ASAP2: variants seen among roughly 807,000 people sequenced by gnomAD.
ASAP2 encodes ArfGAP with SH3 domain, ankyrin repeat and PH domain 2, also known as arf-GAP with SH3 domain, ANK repeat and PH domain-containing protein 2.
A neutral mutation model predicts 131.4 loss-of-function variants in ASAP2; 45 were observed. The observed-to-expected ratio is 0.34, with a 90% CI of 0.27 to 0.44. The LOEUF (loss-of-function observed/expected upper bound fraction) is 0.44, where lower values mean the gene tolerates loss of function less well. Among genes scored for constraint, ASAP2 ranks in the 20% least tolerant of loss-of-function variants. The pLI is 1.00. For missense variants in ASAP2, 1,011 were observed against 1,297.0 expected (o/e 0.78, Z 3.39); for synonymous variants, 510 against 503.0 (o/e 1.01, Z -0.19).
chr2:9,310,153 T>C (rs1669207975), intron 3 of ASAP2, among the ~76,000 whole-genome samples: 1 of 152,242 alleles, frequency 6.6e-6, no homozygotes, highest in Non-Finnish European at 1.5e-5. Flanking sequence ...GGTGGTTTGC[T>C]TTCTCTGAAG....
intron 12 of ASAP2, among the ~76,000 whole-genome samples, chr2:9,351,232 GAA>G (rs903756877): frequency 6.6e-6 from 1 of 152,210 alleles, no homozygotes; most frequent in Non-Finnish European, 1.5e-5. Flanking sequence ...GAAAAAGAGA[GAA>G]GGAGGACAAT....
At chr2:9,299,826 C>T (rs942985245) in intron 3 of ASAP2, among the ~76,000 whole-genome samples, 18 of 151,598 alleles carry the variant, frequency 1.2e-4, no homozygotes, top group African/African-American at 3.7e-4. Context: ...TATAGCCAGC[C>T]GGTGACTCTT....
rs570896477 is a variant in ASAP2, at chr2:9,343,145, G to T, written c.850-1387G>T. 2.6e-4 allele frequency among the ~76,000 whole-genome samples: 40 copies of T among 152,286 alleles called. 1 individual carries two copies. Among genetic ancestry groups the T allele is most frequent in the Admixed American group, 4.6e-4 (7 of 15,292 alleles). On this transcript the variant is annotated intron_variant, in intron 9 of 27. Coordinates refer to ENST00000281419, the MANE Select transcript of ASAP2 (RefSeq NM_003887.3). ...GAAAGAAGATGGTGTAATGGAAGGA[G>T]CCTCAGAGTGGAAGGCAGGATTCCA...
At chr2:9,367,963 G>A (rs886595985) in intron 15 of ASAP2, among the ~76,000 whole-genome samples, 1 of 152,158 alleles carries the variant, frequency 6.6e-6, no homozygotes, top group East Asian at 1.9e-4. Flanking sequence ...ACTTGCCTGT[G>A]GTCACACAGC....
chr2:9,356,491 T>A, intron 14 of ASAP2, 146 bp downstream of exon 14: 1 of 1,011,246 alleles, frequency 9.9e-7, no homozygotes, highest in East Asian at 2.6e-5. Context: ...ACACAAATGC[T>A]TAATGAACTG....
At chr2:9,343,813 G>A (rs1237755622) in intron 9 of ASAP2, among the ~76,000 whole-genome samples, 2 of 152,146 alleles carry the variant, frequency 1.3e-5, no homozygotes, top group Non-Finnish European at 2.9e-5. Flanking sequence ...TGGGCCCTGG[G>A]TGTTCATTGC....
At chr2:9,212,500 A>G (rs1451121553) in intron 1 of ASAP2, among the ~76,000 whole-genome samples, 1 of 151,524 alleles carries the variant, frequency 6.6e-6, no homozygotes, top group African/African-American at 2.4e-5. Context: ...ATATTGATCT[A>G]CTCCTGAGGT....
rs756485714 is a variant in ASAP2, at chr2:9,403,615, A to G, written c.*288A>G. On this transcript the variant is annotated 3_prime_UTR_variant, in exon 28 of 28. Coordinates refer to ENST00000281419, the MANE Select transcript of ASAP2 (RefSeq NM_003887.3). ...TATACATAATCAAGATCCTGCCTCTACGGAATTAGCTAAACCTAAAAATGT... is the reference window on the plus strand; with the variant it reads ...TATACATAATCAAGATCCTGCCTCTGCGGAATTAGCTAAACCTAAAAATGT... 2.3e-5 allele frequency: 8 copies of G among 348,976 alleles called. No homozygotes were observed. Among genetic ancestry groups the G allele is most frequent in the Admixed American group, 4.5e-5 (1 of 22,214 alleles). 21.6% of individuals were successfully genotyped at this position (348,976 alleles called of 1,614,324 possible).
At chr2:9,259,567 A>C (rs568508233) in intron 1 of ASAP2, among the ~76,000 whole-genome samples, 1 of 77,202 alleles carries the variant, frequency 1.3e-5, no homozygotes, top group South Asian at 3.2e-4. Context: ...CCAAAACCTT[A>C]AGGAACAAAA....
chr2:9,342,963 C>G lies in ASAP2; in HGVS notation c.850-1569C>G, dbSNP rs143610339. 3.7e-4 allele frequency among the ~76,000 whole-genome samples: 56 copies of G among 152,344 alleles called. 1 individual carries two copies. Among genetic ancestry groups the G allele is most frequent in the South Asian group, 1.9e-3 (9 of 4,828 alleles). On this transcript the variant is annotated intron_variant, in intron 9 of 27. Transcript: ENST00000281419. ...TTCCTGTGCTTTTCTCCCTTTGACT[C>G]TTCAGTTCCTGAGTGCTCTTGTTCT...
At chr2:9,237,171 G>A (rs1263401161) in intron 1 of ASAP2, among the ~76,000 whole-genome samples, 6 of 151,508 alleles carry the variant, frequency 4.0e-5, no homozygotes, top group South Asian at 2.1e-4. Flanking sequence ...TTTAAAAAAA[G>A]AGAGTTAAAA....
At chr2:9,363,622 C>T (rs1310526649) in intron 15 of ASAP2, among the ~76,000 whole-genome samples, 1 of 152,076 alleles carries the variant, frequency 6.6e-6, no homozygotes, top group Non-Finnish European at 1.5e-5. Flanking sequence ...CTTGCTCTGT[C>T]GCCCAGGCTG....
chr2:9,254,035 G>A (rs1264367572), intron 1 of ASAP2, among the ~76,000 whole-genome samples: 8 of 150,422 alleles, frequency 5.3e-5, no homozygotes, highest in Admixed American at 3.3e-4. Flanking sequence ...GTGAAACCCC[G>A]TCTCTACTAA....
intron 1 of ASAP2, among the ~76,000 whole-genome samples, chr2:9,228,388 G>A (rs1662924996): frequency 6.6e-6 from 1 of 152,176 alleles, no homozygotes; most frequent in South Asian, 2.1e-4. Flanking sequence ...GATTTGAGAT[G>A]ATGGCTAAGT....
At chr2:9,280,036 A>G (rs955519019) in intron 2 of ASAP2, among the ~76,000 whole-genome samples, 2 of 152,194 alleles carry the variant, frequency 1.3e-5, no homozygotes, top group Non-Finnish European at 2.9e-5. Flanking sequence ...TCAGCAACAA[A>G]AAGGTGGCAT....
At chr2:9,214,949 C>G (rs576458181) in intron 1 of ASAP2, among the ~76,000 whole-genome samples, 1 of 152,270 alleles carries the variant, frequency 6.6e-6, no homozygotes, top group South Asian at 2.1e-4. Context: ...TGTTTTAATG[C>G]AGAGAACAAA....
intron 24 of ASAP2, among the ~76,000 whole-genome samples, chr2:9,397,741 T>C (rs1199397610): frequency 3.2e-5 from 3 of 93,484 alleles, no homozygotes; most frequent in African/African-American, 2.4e-4. Flanking sequence ...TATATATATA[T>C]ATATATATAT....
At chr2:9,370,233 A>G (rs1017883068) in intron 16 of ASAP2, among the ~76,000 whole-genome samples, 1 of 152,232 alleles carries the variant, frequency 6.6e-6, no homozygotes, top group African/African-American at 2.4e-5. Flanking sequence ...AACTTGATAC[A>G]GTGAAAGAGC....
intron 1 of ASAP2, among the ~76,000 whole-genome samples, chr2:9,246,466 A>AT (rs1028095857): frequency 4.6e-5 from 7 of 151,870 alleles, no homozygotes; most frequent in African/African-American, 1.7e-4. Flanking sequence ...TTTTAAAACA[A>AT]TTTTTTGTAG....
Sources: allele counts gnomAD v4.1 joint callset (sites outside exome capture counted in the v4.1 genomes callset), GRCh38; gene constraint gnomAD v4.1.1; transcripts MANE v1.5; gene names NCBI Gene and HGNC (gene_info 2026-07-23, HGNC 2026-07-21).